The following SEMA5A variants were observed in gnomAD, a reference collection of about 807,000 sequenced individuals.
SEMA5A encodes the protein semaphorin 5A.
A neutral mutation model predicts 135.5 loss-of-function variants in SEMA5A; 55 were observed. That is an observed-to-expected ratio of 0.41 (90% CI 0.33 to 0.51). SEMA5A has a LOEUF of 0.51. SEMA5A is among the 20% of genes least tolerant of loss of function. The probability of loss-of-function intolerance (pLI) is 0.37; values close to 1 mark genes in which losing one functional copy is unlikely to be tolerated. For synonymous variants in SEMA5A, 580 were observed against 546.5 expected, an observed-to-expected ratio of 1.06 and a Z score of -0.85; for missense variants, 1,290 against 1,419.9, an observed-to-expected ratio of 0.91 and a Z score of 1.47.
intron 16 of SEMA5A, among the ~76,000 whole-genome samples, chr5:9,090,788 A>G (rs569973431): frequency 1.3e-5 from 2 of 152,340 alleles, no homozygotes; most frequent in South Asian, 4.1e-4. Context: ...TCCCTCATAC[A>G]GAAGGGCACA....
At chr5:9,065,556 C>T (rs6858920) in intron 17 of SEMA5A, among the ~76,000 whole-genome samples, 5 of 152,204 alleles carry the variant, frequency 3.3e-5, no homozygotes, top group African/African-American at 4.8e-5. Context: ...TGCAAAGATG[C>T]TAAGGCAGAT....
At chr5:9,441,684 C>A (rs1054446992) in intron 1 of SEMA5A, among the ~76,000 whole-genome samples, 2 of 152,128 alleles carry the variant, frequency 1.3e-5, no homozygotes, top group Non-Finnish European at 2.9e-5. Flanking sequence ...AGGGTGGATT[C>A]CAGGTGGCAG....
chr5:9,128,488 G>A (rs1741235530), intron 13 of SEMA5A, among the ~76,000 whole-genome samples: 2 of 152,316 alleles, frequency 1.3e-5, no homozygotes, highest in Middle Eastern at 3.4e-3. Context: ...CATCTTGTGA[G>A]CAAGAGGAGA....
At chr5:9,461,819 AG>A (rs1297903355) in intron 1 of SEMA5A, among the ~76,000 whole-genome samples, 2 of 152,230 alleles carry the variant, frequency 1.3e-5, no homozygotes, top group Non-Finnish European at 2.9e-5. Flanking sequence ...TAGTCTAAAT[AG>A]TTTGGTGTGT....
chr5:9,295,671 T>G (rs1751301888), intron 5 of SEMA5A, among the ~76,000 whole-genome samples: 1 of 152,156 alleles, frequency 6.6e-6, no homozygotes, highest in South Asian at 2.1e-4. Flanking sequence ...TACTTGATGC[T>G]GACCTGATTT....
At position 9,054,360 on chromosome 5, in the gene SEMA5A, C is replaced by CA. The variant is rs778704231; in HGVS notation, c.2519-104dup. 6.1e-4 allele frequency: 873 copies of CA among 1,425,002 alleles called. 2 individuals are homozygous for CA. The highest frequency in any genetic ancestry group is 7.8e-4 in the Non-Finnish European group (827 of 1,063,526). The allele number at this position is 1,425,002 out of a possible 1,614,324, so 88.3% of individuals were successfully genotyped here. ...AGTGGATTCTGTTTAGTAAGGGAAA[C>CA]AAAATGGAATCTGCACTCCAGAAAG... On this transcript the variant is annotated intron_variant, in intron 18 of 22. Transcript: ENST00000382496.
chr5:9,119,668 G>A (rs1057418820), intron 14 of SEMA5A, among the ~76,000 whole-genome samples: 1 of 152,134 alleles, frequency 6.6e-6, no homozygotes, highest in African/African-American at 2.4e-5. Context: ...GATAAAGAGT[G>A]TTGTACTGTT....
intron 5 of SEMA5A, among the ~76,000 whole-genome samples, chr5:9,305,524 G>A (rs1304414244): frequency 1.3e-5 from 2 of 151,836 alleles, no homozygotes; most frequent in Non-Finnish European, 2.9e-5. Context: ...CTTAATCTGG[G>A]TGGGATTTTT....
intron 18 of SEMA5A, 40 bp downstream of exon 18, chr5:9,062,847 T>G: frequency 1.5e-5 from 24 of 1,604,308 alleles, no homozygotes; most frequent in Non-Finnish European, 2.0e-5. Flanking sequence ...CCAAGGCCCT[T>G]GAGTTTTCAG....
chr5:9,102,562 G>A (rs567237527), intron 16 of SEMA5A, among the ~76,000 whole-genome samples: 2 of 152,210 alleles, frequency 1.3e-5, no homozygotes, highest in East Asian at 1.9e-4. Flanking sequence ...TTTATGAAAT[G>A]TATCCTGAAA....
At chr5:9,171,276 T>C (rs1483510604) in intron 11 of SEMA5A, among the ~76,000 whole-genome samples, 1 of 152,090 alleles carries the variant, frequency 6.6e-6, no homozygotes, top group Non-Finnish European at 1.5e-5. Context: ...CTGGTGAGCA[T>C]AAGCCCAAGG....
intron 8 of SEMA5A, among the ~76,000 whole-genome samples, chr5:9,211,027 G>C (rs1042057158): frequency 4.6e-5 from 7 of 152,142 alleles, no homozygotes; most frequent in Non-Finnish European, 1.0e-4. Context: ...ATCCCACAAG[G>C]CATAGGCAAC....
At chr5:9,167,923 A>T (rs1743702505) in intron 11 of SEMA5A, among the ~76,000 whole-genome samples, 1 of 152,194 alleles carries the variant, frequency 6.6e-6, no homozygotes, top group African/African-American at 2.4e-5. Flanking sequence ...ATCATGCCTC[A>T]GAAGTCAATC....
intron 16 of SEMA5A, among the ~76,000 whole-genome samples, chr5:9,070,565 A>C (rs1737719292): frequency 6.6e-6 from 1 of 152,190 alleles, no homozygotes; most frequent in South Asian, 2.1e-4. Flanking sequence ...ATGGAGATGA[A>C]GTTTAATTTT....
At chr5:9,062,290 C>A (rs1452128735) in intron 18 of SEMA5A, among the ~76,000 whole-genome samples, 2 of 152,116 alleles carry the variant, frequency 1.3e-5, no homozygotes, top group Non-Finnish European at 2.9e-5. Flanking sequence ...TTTATACAGA[C>A]AACTAAAGTT....
chr5:9,191,202 A>T (rs1745093920), intron 10 of SEMA5A, among the ~76,000 whole-genome samples: 3 of 152,178 alleles, frequency 2.0e-5, no homozygotes, highest in Admixed American at 1.3e-4. Flanking sequence ...AGAAGGAAGG[A>T]AAGAGATTTC....
intron 1 of SEMA5A, among the ~76,000 whole-genome samples, chr5:9,458,685 C>T (rs1317726891): frequency 6.6e-6 from 1 of 152,180 alleles, no homozygotes; most frequent in African/African-American, 2.4e-5. Flanking sequence ...ACCAGGGCTC[C>T]ATGTTCAAAG....
intron 1 of SEMA5A, among the ~76,000 whole-genome samples, chr5:9,449,298 T>C (rs1250741884): frequency 1.3e-5 from 2 of 152,128 alleles, no homozygotes; most frequent in Non-Finnish European, 2.9e-5. Flanking sequence ...GCCATTATCC[T>C]CAGCGAACTA....
chr5:9,540,248 G>C (rs1022630729), intron 1 of SEMA5A, among the ~76,000 whole-genome samples: 2 of 152,146 alleles, frequency 1.3e-5, no homozygotes, highest in African/African-American at 4.8e-5. Context: ...TTCTGTATCA[G>C]TGAAAGACTT....
Sources: allele counts gnomAD v4.1 joint callset (sites outside exome capture counted in the v4.1 genomes callset), GRCh38; gene constraint gnomAD v4.1.1; transcripts MANE v1.5; gene names NCBI Gene and HGNC (gene_info 2026-07-23, HGNC 2026-07-21).